RIT2: variants seen among roughly 807,000 people sequenced by gnomAD.
RIT2 encodes the protein Ras like without CAAX 2, also known as GTP-binding protein Rit2.
Under a neutral mutation model 23.7 loss-of-function variants are expected in RIT2, and 24 were observed. The ratio of observed to expected loss-of-function variants is 1.01; its 90% CI spans 0.73 to 1.43. The LOEUF is 1.43. RIT2 is among the 40% of genes most tolerant of loss of function. RIT2 has a pLI of 0.00. For synonymous variants in RIT2, 107 were observed against 91.1 expected, an observed-to-expected ratio of 1.17 and a Z score of -0.99; for missense variants, 236 against 266.9, an observed-to-expected ratio of 0.88 and a Z score of 0.81.
At chr18:43,009,879 C>T (rs561817991) in intron 2 of RIT2, among the ~76,000 whole-genome samples, 2 of 151,734 alleles carry the variant, frequency 1.3e-5, no homozygotes, top group South Asian at 2.1e-4. Context: ...AAATTAGTCA[C>T]GTGATTAATG....
intron 1 of RIT2, among the ~76,000 whole-genome samples, chr18:43,053,368 C>T (rs1023173578): frequency 6.6e-6 from 1 of 151,798 alleles, no homozygotes; most frequent in African/African-American, 2.4e-5. Context: ...AGGCAGTCAG[C>T]CCACACTCTG....
intron 4 of RIT2, among the ~76,000 whole-genome samples, chr18:42,766,787 T>G (rs928835474): frequency 4.6e-5 from 7 of 152,148 alleles, no homozygotes; most frequent in Non-Finnish European, 8.8e-5. Flanking sequence ...AGTCACTGTG[T>G]TGTGTGCCTA....
intron 4 of RIT2, among the ~76,000 whole-genome samples, chr18:42,835,053 A>G (rs564941437): frequency 1.3e-5 from 2 of 152,292 alleles, no homozygotes; most frequent in East Asian, 3.9e-4. Flanking sequence ...AGAATCATAC[A>G]GTTATAATCT....
intron 3 of RIT2, among the ~76,000 whole-genome samples, chr18:42,927,840 T>C (rs1463917348): frequency 1.3e-5 from 2 of 152,076 alleles, no homozygotes; most frequent in Non-Finnish European, 2.9e-5. Context: ...TGTGTGATAA[T>C]TTTTCTATAT....
At chr18:43,010,800 G>T (rs9304291) in intron 2 of RIT2, among the ~76,000 whole-genome samples, 4 of 151,846 alleles carry the variant, frequency 2.6e-5, no homozygotes, top group African/African-American at 4.8e-5. Context: ...GTTGTAAACA[G>T]GTAACTGTGC....
intron 2 of RIT2, among the ~76,000 whole-genome samples, chr18:43,026,586 A>AAGAAAGAG (rs1467451880): frequency 8.2e-5 from 9 of 109,616 alleles, no homozygotes; most frequent in African/African-American, 2.8e-4. Flanking sequence ...GAAAGAAAGA[A>AAGAAAGAG]AGAAAGAAAG....
rs1909103133 is a variant in RIT2 at position 42,923,519 on chromosome 18, C to T, written c.426+53G>A. 1.3e-5 allele frequency: 19 copies of T among 1,446,708 alleles called. No individual in the cohort carries two copies. The South Asian group carries it at 2.1e-4, about 16-fold the overall frequency. 89.6% of individuals were successfully genotyped at this position (1,446,708 alleles called of 1,614,324 possible). On this transcript the variant is annotated intron_variant, in intron 4 of 4. Coordinates refer to ENST00000326695, the MANE Select transcript of RIT2 (RefSeq NM_002930.4). ...CCTGGGAAAGCAGCCATATTTTGTA[C>T]TATGCATCCTCAGAGCAAAAGACAG...
chr18:42,846,320 AT>A (rs1422553053), intron 4 of RIT2, among the ~76,000 whole-genome samples: 1 of 152,014 alleles, frequency 6.6e-6, no homozygotes, highest in Non-Finnish European at 1.5e-5. Flanking sequence ...AAAGAAAAAA[AT>A]CAGAATAATT....
intron 4 of RIT2, among the ~76,000 whole-genome samples, chr18:42,764,966 T>G (rs576145231): frequency 5.9e-5 from 9 of 152,364 alleles, no homozygotes; most frequent in Admixed American, 3.3e-4. Context: ...AAAGTCACTG[T>G]GGCTTATTGA....
intron 4 of RIT2, among the ~76,000 whole-genome samples, chr18:42,832,470 A>G (rs1906486225): frequency 6.6e-6 from 1 of 152,174 alleles, no homozygotes; most frequent in Non-Finnish European, 1.5e-5. Context: ...AGCAATTCCC[A>G]CTGTCAGAAC....
At chr18:42,993,193 C>A (rs567412004) in intron 2 of RIT2, among the ~76,000 whole-genome samples, 1 of 152,286 alleles carries the variant, frequency 6.6e-6, no homozygotes, top group Admixed American at 6.5e-5. Flanking sequence ...TGCCCACAGC[C>A]CAGGATTCCT....
chr18:43,027,256 C>A (rs7504768), intron 2 of RIT2, among the ~76,000 whole-genome samples: 64,768 of 151,968 alleles, frequency 0.43, 15,829 homozygotes, highest in Non-Finnish European at 0.56. Flanking sequence ...CAACTCTGAG[C>A]AGCTTTATAG....
intron 4 of RIT2, among the ~76,000 whole-genome samples, chr18:42,844,310 TG>T (rs1906849218): frequency 6.6e-6 from 1 of 152,116 alleles, no homozygotes; most frequent in Non-Finnish European, 1.5e-5. Flanking sequence ...CCTCCACTGG[TG>T]AGGGCAAAGG....
intron 3 of RIT2, among the ~76,000 whole-genome samples, chr18:42,958,235 G>A (rs932805724): frequency 3.3e-5 from 5 of 152,190 alleles, no homozygotes; most frequent in African/African-American, 9.6e-5. Flanking sequence ...GTTTTAAAAT[G>A]TAATTTTGCA....
intron 3 of RIT2, among the ~76,000 whole-genome samples, chr18:42,943,635 G>T (rs963283049): frequency 6.6e-6 from 1 of 152,086 alleles, no homozygotes; most frequent in Non-Finnish European, 1.5e-5. Flanking sequence ...AGTGGTTTGG[G>T]TCTTTAGTTA....
rs531712226 is a variant in RIT2, at chr18:42,896,177, T to G, written c.426+27395A>C. Among the ~76,000 whole-genome samples, 5 of 152,268 alleles carry G rather than the reference T, an allele frequency of 3.3e-5. No individual in the cohort carries two copies. In the South Asian group the frequency reaches 1.0e-3, roughly 32 times the overall value. The stretch of plus-strand genomic sequence containing the variant: ...TACTGGGGAGGCTGAGGCAAGAGAA[T>G]CATTTGTACCTGGGAGGTGGATGTT... On this transcript the variant is annotated intron_variant, in intron 4 of 4. Transcript: ENST00000326695.
intron 1 of RIT2, among the ~76,000 whole-genome samples, chr18:43,111,922 G>A (rs1913963089): frequency 6.6e-6 from 1 of 151,856 alleles, no homozygotes; most frequent in African/African-American, 2.4e-5. Context: ...TAATTCTTGT[G>A]TATCCCTGTT....
intron 4 of RIT2, among the ~76,000 whole-genome samples, chr18:42,894,937 G>T (rs1479224514): frequency 6.6e-6 from 1 of 152,190 alleles, no homozygotes; most frequent in Admixed American, 6.6e-5. Flanking sequence ...TAAATATGAT[G>T]AACATAAATG....
chr18:42,907,076 A>T (rs575134530), intron 4 of RIT2, among the ~76,000 whole-genome samples: 2 of 152,122 alleles, frequency 1.3e-5, no homozygotes, highest in Non-Finnish European at 2.9e-5. Context: ...AAAGTAAATT[A>T]TGTCTGTATC....
Sources: allele counts gnomAD v4.1 joint callset (sites outside exome capture counted in the v4.1 genomes callset), GRCh38; gene constraint gnomAD v4.1.1; transcripts MANE v1.5; gene names NCBI Gene and HGNC (gene_info 2026-07-23, HGNC 2026-07-21).